Variants in MAST4 observed in about 807,000 individuals in gnomAD.
The protein encoded by MAST4 is microtubule associated serine/threonine kinase family member 4.
In MAST4, 89 loss-of-function variants were observed where a neutral mutation model predicts 162.7. That is an observed-to-expected ratio of 0.55 (90% CI 0.46 to 0.65). The LOEUF is 0.65. Ranked by LOEUF, MAST4 falls within the 30% of genes least tolerant of loss-of-function variation. MAST4 has a pLI of 0.00. For synonymous variants in MAST4, 1,479 were observed against 1,361.1 expected (o/e 1.09, Z -1.91); for missense variants, 3,153 against 3,374.0 (o/e 0.93, Z 1.62).
chr5:66,740,916 G>C (rs2149573062), intron 1 of MAST4, among the ~76,000 whole-genome samples: 1 of 152,312 alleles, frequency 6.6e-6, no homozygotes, highest in East Asian at 1.9e-4. Flanking sequence ...CCTTATCTGT[G>C]AAATGGGGAT....
intron 3 of MAST4, among the ~76,000 whole-genome samples, chr5:66,800,686 A>G (rs1293240260): frequency 6.6e-6 from 1 of 152,180 alleles, no homozygotes; most frequent in Non-Finnish European, 1.5e-5. Context: ...TGTACCCCTG[A>G]ACTTAAAAGT....
intron 5 of MAST4, among the ~76,000 whole-genome samples, chr5:67,088,690 G>T (rs1259078820): frequency 2.0e-5 from 3 of 152,062 alleles, no homozygotes. Context: ...TTCTCCAGGG[G>T]CCCAAGGAAT....
chr5:67,139,591 T>G (rs1173480167), intron 19 of MAST4, among the ~76,000 whole-genome samples: 8 of 152,154 alleles, frequency 5.3e-5, no homozygotes, highest in Non-Finnish European at 1.0e-4. Context: ...CTTCACAGGA[T>G]TATTGTGAGG....
chr5:66,627,155 A>G (rs567731447), intron 1 of MAST4, among the ~76,000 whole-genome samples: 3 of 152,240 alleles, frequency 2.0e-5, no homozygotes, highest in African/African-American at 7.2e-5. Context: ...GGGGAAGCAA[A>G]CATGTCCTTC....
At chr5:66,930,884 C>T (rs552580399) in intron 4 of MAST4, 118 of 439,896 alleles carry the variant, frequency 2.7e-4, no homozygotes, top group Non-Finnish European at 3.8e-4. Flanking sequence ...CAGAACTGAG[C>T]TTGTATACTT....
intron 1 of MAST4, among the ~76,000 whole-genome samples, chr5:66,635,526 A>T (rs1248080680): frequency 1.3e-5 from 2 of 152,330 alleles, no homozygotes; most frequent in Non-Finnish European, 2.9e-5. Context: ...AGAAATTAGT[A>T]TAGGAATATG....
At chr5:66,642,530 T>C (rs1387344439) in intron 1 of MAST4, among the ~76,000 whole-genome samples, 1 of 152,204 alleles carries the variant, frequency 6.6e-6, no homozygotes, top group Non-Finnish European at 1.5e-5. Context: ...AAAAGAGTTA[T>C]CTTTTAGAGA....
intron 2 of MAST4, among the ~76,000 whole-genome samples, chr5:66,783,595 T>C (rs1198265659): frequency 6.6e-6 from 1 of 152,210 alleles, no homozygotes; most frequent in Non-Finnish European, 1.5e-5. Context: ...AGCCTTGTCT[T>C]TTGCGTTAGG....
In MAST4 at chr5:66,787,658, C is replaced by A. The variant is rs566242789; in HGVS notation, c.518-1012C>A. On this transcript the variant is annotated intron_variant, in intron 2 of 28. Transcript: ENST00000403625. ...GCAGGGCCACCAGCTACGCATGCTGCAATCCCTCATGATTCTGGAGAGGAA... is the reference window on the plus strand; with the variant it reads ...GCAGGGCCACCAGCTACGCATGCTGAAATCCCTCATGATTCTGGAGAGGAA... Among the ~76,000 whole-genome samples, 3 of 152,344 alleles carry A rather than the reference C, an allele frequency of 2.0e-5. No individual in the cohort carries two copies. In the South Asian group the frequency reaches 6.2e-4, roughly 32 times the overall value.
At chr5:67,036,675 C>T (rs957449426) in intron 4 of MAST4, among the ~76,000 whole-genome samples, 7 of 151,924 alleles carry the variant, frequency 4.6e-5, no homozygotes, top group African/African-American at 9.7e-5. Flanking sequence ...GATCTTATAC[C>T]GTATTGTATA....
intron 8 of MAST4, 79 bp downstream of exon 8, chr5:67,100,671 T>A: frequency 6.5e-7 from 1 of 1,541,848 alleles, no homozygotes; most frequent in Non-Finnish European, 8.9e-7. Context: ...TTCGGTCCTT[T>A]AGGTCATATG....
chr5:66,953,893 C>A (rs1744989083), intron 4 of MAST4, among the ~76,000 whole-genome samples: 1 of 152,154 alleles, frequency 6.6e-6, no homozygotes, highest in African/African-American at 2.4e-5. Flanking sequence ...GCAGCAACCC[C>A]CTTATTCCCT....
intron 3 of MAST4, among the ~76,000 whole-genome samples, chr5:66,810,500 A>G (rs892877633): frequency 2.0e-5 from 3 of 152,088 alleles, no homozygotes; most frequent in Non-Finnish European, 2.9e-5. Context: ...CCCATATTCC[A>G]TTGTCTGGAA....
chr5:66,614,400 C>G (rs1160221380), intron 1 of MAST4, among the ~76,000 whole-genome samples: 1 of 152,182 alleles, frequency 6.6e-6, no homozygotes, highest in Non-Finnish European at 1.5e-5. Context: ...CTGGAGCTCA[C>G]AGACAACCTA....
At chr5:66,719,675 C>T (rs1751074611) in intron 1 of MAST4, among the ~76,000 whole-genome samples, 1 of 152,152 alleles carries the variant, frequency 6.6e-6, no homozygotes, top group African/African-American at 2.4e-5. Context: ...TTAAGCCCCA[C>T]ATGCATTAGG....
At chr5:67,026,265 AG>A (rs1316871121) in intron 4 of MAST4, among the ~76,000 whole-genome samples, 3 of 152,200 alleles carry the variant, frequency 2.0e-5, no homozygotes, top group Non-Finnish European at 2.9e-5. Flanking sequence ...TACATTTTAG[AG>A]GGGAAAAAAT....
chr5:66,956,637 A>G (rs1393777066), intron 4 of MAST4, among the ~76,000 whole-genome samples: 1 of 152,068 alleles, frequency 6.6e-6, no homozygotes, highest in Non-Finnish European at 1.5e-5. Context: ...AGGTGACGTA[A>G]TTTTCTCTTC....
intron 4 of MAST4, among the ~76,000 whole-genome samples, chr5:67,040,611 C>G (rs910471970): frequency 6.6e-6 from 1 of 152,190 alleles, no homozygotes; most frequent in African/African-American, 2.4e-5. Flanking sequence ...TGTAAAGCTC[C>G]ATAGCTTGAA....
At chr5:66,761,018 T>C (rs765194373) in intron 2 of MAST4, among the ~76,000 whole-genome samples, 53 of 152,326 alleles carry the variant, frequency 3.5e-4, no homozygotes, top group Non-Finnish European at 4.7e-4. Context: ...TGTGCCATTT[T>C]ACATTCCTGA....
Sources: allele counts gnomAD v4.1 joint callset (sites outside exome capture counted in the v4.1 genomes callset), GRCh38; gene constraint gnomAD v4.1.1; transcripts MANE v1.5; gene names NCBI Gene and HGNC (gene_info 2026-07-23, HGNC 2026-07-21).